Variants in FHIT observed in about 807,000 individuals in gnomAD.
FHIT encodes the protein bis(5'-adenosyl)-triphosphatase.
FHIT carries 19 observed loss-of-function variants against 17.9 expected under a neutral mutation model. The observed-to-expected ratio is 1.06, with a 90% CI of 0.74 to 1.56. The LOEUF (loss-of-function observed/expected upper bound fraction) is 1.56, where lower values mean the gene tolerates loss of function less well. Among genes scored for constraint, FHIT ranks in the 40% most tolerant of loss-of-function variants. The pLI is 0.00. For synonymous variants in FHIT, 81 were observed against 69.7 expected (o/e 1.16, Z -0.81); for missense variants, 248 against 189.2 (o/e 1.31, Z -1.82).
At chr3:60,050,811 G>A (rs1701841359) in intron 5 of FHIT, among the ~76,000 whole-genome samples, 1 of 152,178 alleles carries the variant, frequency 6.6e-6, no homozygotes, top group African/African-American at 2.4e-5. Context: ...AGAGCTGGGA[G>A]TGCTCAATAA....
chr3:60,396,136 C>T (rs576713607), intron 5 of FHIT, among the ~76,000 whole-genome samples: 10 of 152,254 alleles, frequency 6.6e-5, no homozygotes, highest in African/African-American at 1.7e-4. Context: ...TTCAGTCTAC[C>T]TCTGGTGCCT....
chr3:59,864,280 A>C (rs1702534806), intron 8 of FHIT, among the ~76,000 whole-genome samples: 1 of 152,106 alleles, frequency 6.6e-6, no homozygotes, highest in Non-Finnish European at 1.5e-5. Context: ...GGTCTGGCCC[A>C]CGCTATTCTT....
chr3:61,213,333 A>C (rs2039553234), intron 1 of FHIT, among the ~76,000 whole-genome samples: 1 of 151,962 alleles, frequency 6.6e-6, no homozygotes, highest in Admixed American at 6.6e-5. Flanking sequence ...AATGGAAAAC[A>C]AAAAAAGGCA....
At chr3:60,365,612 G>A (rs2107025584) in intron 5 of FHIT, among the ~76,000 whole-genome samples, 1 of 152,206 alleles carries the variant, frequency 6.6e-6, no homozygotes, top group East Asian at 1.9e-4. Flanking sequence ...ATGTATCACA[G>A]TCATAGACCA....
chr3:60,827,172 GT>G (rs1702155467), intron 3 of FHIT, among the ~76,000 whole-genome samples: 1 of 152,174 alleles, frequency 6.6e-6, no homozygotes, highest in South Asian at 2.1e-4. Context: ...AGGCAAAAAA[GT>G]TTGCAGGAAA....
intron 5 of FHIT, among the ~76,000 whole-genome samples, chr3:60,533,246 T>G (rs1438302641): frequency 6.6e-6 from 1 of 152,176 alleles, no homozygotes; most frequent in African/African-American, 2.4e-5. Context: ...GTGACAAGAC[T>G]TGGCCTTGGG....
chr3:60,219,907 G>A (rs146220787), intron 5 of FHIT, among the ~76,000 whole-genome samples: 6 of 152,224 alleles, frequency 3.9e-5, no homozygotes, highest in Non-Finnish European at 8.8e-5. Flanking sequence ...TCTGCCTTAC[G>A]TGAGTTGTAA....
intron 1 of FHIT, among the ~76,000 whole-genome samples, chr3:61,238,185 G>A (rs1464383693): frequency 6.6e-6 from 1 of 152,156 alleles, no homozygotes; most frequent in African/African-American, 2.4e-5. Context: ...TTATGGGGAG[G>A]AAACGGGAGG....
chr3:60,025,608 G>T (rs1177965760), intron 5 of FHIT, among the ~76,000 whole-genome samples: 1 of 152,020 alleles, frequency 6.6e-6, no homozygotes, highest in South Asian at 2.1e-4. Context: ...ATTCAGCAGT[G>T]AACAATTTAA....
At chr3:61,151,339 G>C (rs2037380940) in intron 2 of FHIT, among the ~76,000 whole-genome samples, 1 of 152,114 alleles carries the variant, frequency 6.6e-6, no homozygotes, top group Non-Finnish European at 1.5e-5. Flanking sequence ...TTTTAAGTAA[G>C]TCCCACTCAT....
Position 61,179,074 on chromosome 3 carries a change from G to A in FHIT, c.-164+21543C>T, listed in dbSNP as rs6793331. Among the ~76,000 whole-genome samples the A allele has an allele frequency of 5.0e-3, 733 of 145,188 alleles. 4 individuals are homozygous for A. Among genetic ancestry groups the A allele is most frequent in the African/African-American group, 0.018 (702 of 38,430 alleles). ...TGCCCAGGATGGAATGCAGCAGTGCGATCTTGGCTCACTGCAGCCTCTGCC... is the reference window on the plus strand; with the variant it reads ...TGCCCAGGATGGAATGCAGCAGTGCAATCTTGGCTCACTGCAGCCTCTGCC... On this transcript the variant is annotated intron_variant, in intron 2 of 9. Coordinates refer to ENST00000492590, the MANE Select transcript of FHIT (RefSeq NM_002012.4).
At chr3:59,899,908 T>C (rs1269556928) in intron 8 of FHIT, among the ~76,000 whole-genome samples, 1 of 151,922 alleles carries the variant, frequency 6.6e-6, no homozygotes, top group Admixed American at 6.6e-5. Context: ...AGGCCAGGAG[T>C]TGGCAAACGT....
At chr3:60,476,008 G>A (rs945060323) in intron 5 of FHIT, among the ~76,000 whole-genome samples, 5 of 152,242 alleles carry the variant, frequency 3.3e-5, no homozygotes, top group African/African-American at 7.2e-5. Flanking sequence ...TACAATTCCC[G>A]AAATAGTAGA....
chr3:60,398,790 G>A (rs1701553757), intron 5 of FHIT, among the ~76,000 whole-genome samples: 1 of 151,970 alleles, frequency 6.6e-6, no homozygotes, highest in African/African-American at 2.4e-5. Flanking sequence ...TAGGAGTTAA[G>A]AAAATAATAT....
At chr3:59,974,476 C>G (rs1246377233) in intron 7 of FHIT, among the ~76,000 whole-genome samples, 2 of 152,144 alleles carry the variant, frequency 1.3e-5, no homozygotes. Flanking sequence ...ATTCCAGTGT[C>G]TATAAAACAC....
chr3:61,019,536 G>C (rs1291714442), intron 3 of FHIT, among the ~76,000 whole-genome samples: 1 of 152,196 alleles, frequency 6.6e-6, no homozygotes, highest in African/African-American at 2.4e-5. Flanking sequence ...TGCAGAAACA[G>C]AGAAAATGCT....
chr3:60,130,483 G>A (rs1699492946), intron 5 of FHIT, among the ~76,000 whole-genome samples: 1 of 152,070 alleles, frequency 6.6e-6, no homozygotes. Flanking sequence ...CACCTGATGG[G>A]ATATGGATGT....
At chr3:60,598,393 G>C (rs1394322818) in intron 4 of FHIT, among the ~76,000 whole-genome samples, 1 of 152,080 alleles carries the variant, frequency 6.6e-6, no homozygotes, top group East Asian at 1.9e-4. Flanking sequence ...CTCACAAGGA[G>C]TATTAATTTT....
chr3:59,808,901 T>C (rs1351768568), intron 8 of FHIT, among the ~76,000 whole-genome samples: 3 of 152,010 alleles, frequency 2.0e-5, no homozygotes, highest in African/African-American at 7.2e-5. Context: ...GACAGAAGCC[T>C]TACAACAGCT....
Sources: gnomAD v4.1 joint callset for allele counts (sites outside exome capture counted in the v4.1 genomes callset) on GRCh38, gnomAD v4.1.1 for gene constraint, MANE v1.5 for transcripts, NCBI Gene and HGNC (gene_info 2026-07-23, HGNC 2026-07-21) for gene names.